SGSM1: variants seen among roughly 807,000 people sequenced by gnomAD.
The protein encoded by SGSM1 is RUN and TBC1 domain containing 2.
SGSM1 carries 73 observed loss-of-function variants against 133.8 expected under a neutral mutation model. The ratio of observed to expected loss-of-function variants is 0.55; its 90% CI spans 0.45 to 0.66. SGSM1 has a LOEUF of 0.66. Among genes scored for constraint, SGSM1 ranks in the 30% least tolerant of loss-of-function variants. The probability of loss-of-function intolerance (pLI) is 0.00; values close to 1 mark genes in which losing one functional copy is unlikely to be tolerated. For missense variants in SGSM1, 1,213 were observed against 1,448.1 expected (o/e 0.84, Z 2.64); for synonymous variants, 563 against 573.0 (o/e 0.98, Z 0.25).
In SGSM1 at chr22:24,841,622, A is replaced by G. The variant is rs1367530063; in HGVS notation, c.64-3275A>G. Among the ~76,000 whole-genome samples, 3 of 152,238 alleles carry G rather than the reference A, an allele frequency of 2.0e-5. No homozygotes were observed. In the South Asian group the frequency reaches 6.2e-4, roughly 31 times the overall value. ...TGCAGGGAGACCAGTAAGAGTCTAC[A>G]GCATTGATTCAGGGGAGAGGTGATG... is the stretch of plus-strand genomic sequence containing the variant. On this transcript the variant is annotated intron_variant, in intron 2 of 24. Coordinates refer to ENST00000400358, the MANE Select transcript of SGSM1 (RefSeq NM_001098497.3).
chr22:24,833,724 GGGGGAGGTGACATTTTGC>G, intron 2 of SGSM1, among the ~76,000 whole-genome samples: 1 of 152,312 alleles, frequency 6.6e-6, no homozygotes, highest in South Asian at 2.1e-4. Flanking sequence ...CCATAGCGAT[GGGGGAGGTGACATTTTGC>G]ATGATGAGAT....
intron 2 of SGSM1, among the ~76,000 whole-genome samples, chr22:24,833,550 T>C (rs1306540261): frequency 6.6e-6 from 1 of 151,616 alleles, no homozygotes; most frequent in Admixed American, 6.6e-5. Context: ...CCCAGCTACT[T>C]GGGAGGCTGA....
At position 24,844,879 on chromosome 22, in the gene SGSM1, G is replaced by T. The variant is rs765273487; in HGVS notation, c.64-18G>T. On this transcript the variant is annotated intron_variant, in intron 2 of 24. Coordinates refer to ENST00000400358, the MANE Select transcript of SGSM1 (RefSeq NM_001098497.3). ...GTCACCTTGGACCTCTTCCCCTCCGGTCACCTTTGCCTTCCAGGTGAAGCA... is the reference window on the plus strand; with the variant it reads ...GTCACCTTGGACCTCTTCCCCTCCGTTCACCTTTGCCTTCCAGGTGAAGCA... 6 of 1,613,066 alleles carry T rather than the reference G, an allele frequency of 3.7e-6. No individual in the cohort carries two copies. The South Asian group carries it at 5.5e-5, about 15-fold the overall frequency.
At chr22:24,838,234 T>TA (rs1569141047) in intron 2 of SGSM1, among the ~76,000 whole-genome samples, 26 of 152,352 alleles carry the variant, frequency 1.7e-4, no homozygotes, top group Admixed American at 1.7e-3. Flanking sequence ...TAGGTCCTGC[T>TA]GATCACTGCA....
chr22:24,824,936 T>C (rs941170981), intron 2 of SGSM1, among the ~76,000 whole-genome samples: 1 of 152,244 alleles, frequency 6.6e-6, no homozygotes, highest in African/African-American at 2.4e-5. Context: ...CCATGTCTGC[T>C]TGCTCCTCGG....
intron 5 of SGSM1, among the ~76,000 whole-genome samples, 152 bp from the exon 6 acceptor site, chr22:24,854,844 A>G (rs1601924879): frequency 1.3e-5 from 2 of 152,030 alleles, no homozygotes; most frequent in South Asian, 2.1e-4. Context: ...TTTCAGCCCT[A>G]TGAGCTATAT....
chr22:24,897,942 T>C, intron 18 of SGSM1, 30 bp from the exon 19 acceptor site: 1 of 1,546,742 alleles, frequency 6.5e-7, no homozygotes, highest in Non-Finnish European at 8.8e-7. Context: ...GACATGCCGG[T>C]CCATCTGTTT....
rs12484397 is a variant in SGSM1, at chr22:24,864,411, G to A, written c.927-2682G>A. 1.8e-3 allele frequency among the ~76,000 whole-genome samples: 268 copies of A among 152,226 alleles called. 5 individuals carry two copies. The highest frequency in any genetic ancestry group is 0.015 in the Admixed American group (233 of 15,286). ...CATAATAGCCCAAGACTCCAAGACC[G>A]GAAGCAACCCAGATGCCCATCAACT... On this transcript the variant is annotated intron_variant, in intron 9 of 24. Transcript: ENST00000400358.
intron 5 of SGSM1, among the ~76,000 whole-genome samples, chr22:24,854,537 T>G (rs556583545): frequency 6.6e-6 from 1 of 152,348 alleles, no homozygotes; most frequent in Admixed American, 6.5e-5. Context: ...AGGCTGGGCT[T>G]ACAGGTGGCT....
intron 2 of SGSM1, among the ~76,000 whole-genome samples, chr22:24,818,231 CAAA>C (rs1219131730): frequency 1.4e-5 from 2 of 143,998 alleles, no homozygotes; most frequent in African/African-American, 5.2e-5. Flanking sequence ...GACTCTGTCT[CAAA>C]AAAAAAAAAA....
chr22:24,882,012 G>T (rs886291149), intron 14 of SGSM1, among the ~76,000 whole-genome samples: 4 of 151,918 alleles, frequency 2.6e-5, no homozygotes, highest in Non-Finnish European at 4.4e-5. Flanking sequence ...ACTGACTTGG[G>T]GGGGGGCCTT....
chr22:24,826,069 T>C (rs544894466), intron 2 of SGSM1, among the ~76,000 whole-genome samples: 1 of 152,238 alleles, frequency 6.6e-6, no homozygotes, highest in Admixed American at 6.5e-5. Flanking sequence ...AACCTATTTG[T>C]ACTTTTTAAG....
At chr22:24,905,509 C>T (rs1036013095) in intron 21 of SGSM1, among the ~76,000 whole-genome samples, 4 of 152,136 alleles carry the variant, frequency 2.6e-5, no homozygotes, top group South Asian at 2.1e-4. Flanking sequence ...TAATGCCAGC[C>T]GGGCACAGTG....
chr22:24,898,424 T>A lies in SGSM1; in HGVS notation c.2475T>A (p.His825Gln). 1 of 1,613,616 alleles carries A rather than the reference T, an allele frequency of 6.2e-7. No homozygotes were observed. The highest frequency in any genetic ancestry group is 1.1e-5 in the South Asian group (1 of 91,050). ...GGAGGAGCAGCGAGACAGAGAAACATGGCCAGGCGGACAGTGAGGACAACC... is the reference window on the plus strand; with the variant it reads ...GGAGGAGCAGCGAGACAGAGAAACAAGGCCAGGCGGACAGTGAGGACAACC... ...EGWRSSETEK[H>Q]GQADSEDNLS... The change falls in exon 19 of 25, where the codon CAT (histidine) becomes CAA (glutamine). Residue 825 changes from histidine to glutamine, a missense_variant. Transcript: ENST00000400358.
Position 24,867,250 on chromosome 22 carries a change from G to A in SGSM1, c.994+90G>A, listed in dbSNP as rs149525948. 6,851 of 1,238,928 alleles carry A rather than the reference G, an allele frequency of 5.5e-3. 53 individuals are homozygous for A. The highest frequency in any genetic ancestry group is 5.1e-3 in the Middle Eastern group (27 of 5,338). The allele number at this position is 1,238,928 out of a possible 1,614,324, so 76.7% of individuals were successfully genotyped here. On this transcript the variant is annotated intron_variant, in intron 10 of 24. Transcript: ENST00000400358. ...CTGCCTATTCATTAGCATCATGAGC[G>A]AATGATATGGTGGACACCCCATGTT...
At position 24,920,372 on chromosome 22, in the gene SGSM1, G is replaced by A. The variant is rs138084744; in HGVS notation, c.3193+379G>A. ...CATGCATAGGAAAAGCAGGCCCAGGGCAGCAATTTGAGTAACACGAAAAAG... is the reference window on the plus strand; with the variant it reads ...CATGCATAGGAAAAGCAGGCCCAGGACAGCAATTTGAGTAACACGAAAAAG... On this transcript the variant is annotated intron_variant, in intron 24 of 24. Transcript: ENST00000400358. Among the ~76,000 whole-genome samples the A allele has an allele frequency of 4.4e-3, 671 of 152,292 alleles. 4 individuals carry two copies. Among genetic ancestry groups the A allele is most frequent in the African/African-American group, 0.016 (650 of 41,560 alleles).
intron 21 of SGSM1, among the ~76,000 whole-genome samples, chr22:24,912,258 G>T (rs1933654628): frequency 6.6e-6 from 1 of 152,166 alleles, no homozygotes; most frequent in Non-Finnish European, 1.5e-5. Context: ...TTCATAATGT[G>T]TCCGTATTGG....
rs1003693749 is a variant in SGSM1 at position 24,926,117 on chromosome 22, G to A, written c.*1843G>A. 4 of 152,208 alleles carry A rather than the reference G, an allele frequency of 2.6e-5. No homozygotes were observed. The highest frequency in any genetic ancestry group is 1.9e-4 in the East Asian group (1 of 5,188). The allele number at this position is 152,208 out of a possible 1,614,324, so 9.4% of individuals were successfully genotyped here. On this transcript the variant is annotated 3_prime_UTR_variant, in exon 25 of 25. Coordinates refer to ENST00000400358, the MANE Select transcript of SGSM1 (RefSeq NM_001098497.3). The stretch of plus-strand genomic sequence containing the variant: ...GAAGCATTTGCGGAGGGGTGTATTA[G>A]TCCTCCCACCCTGAGCACACCAGGA...
chr22:24,806,734 C>T (rs1208785939), intron 2 of SGSM1, among the ~76,000 whole-genome samples: 3 of 151,608 alleles, frequency 2.0e-5, no homozygotes, highest in Admixed American at 6.6e-5. Flanking sequence ...CGTGAGGGCC[C>T]TCCAGGTGTG....
Sources: allele counts gnomAD v4.1 joint callset (sites outside exome capture counted in the v4.1 genomes callset), GRCh38; gene constraint gnomAD v4.1.1; transcripts MANE v1.5; gene names NCBI Gene and HGNC (gene_info 2026-07-23, HGNC 2026-07-21).